C16orf89: variants seen among roughly 807,000 people sequenced by gnomAD.
C16orf89 encodes the protein chromosome 16 open reading frame 89.
A neutral mutation model predicts 41.5 loss-of-function variants in C16orf89; 57 were observed. The observed-to-expected ratio is 1.38, with a 90% confidence interval of 1.11 to 1.71. C16orf89 has a LOEUF of 1.71. Ranked by LOEUF, C16orf89 falls within the 40% of genes most tolerant of loss-of-function variation. The pLI is 0.00. For synonymous variants in C16orf89, 223 were observed against 190.6 expected (o/e 1.17, Z -1.40); for missense variants, 575 against 445.9 (o/e 1.29, Z -2.61).
intron 4 of C16orf89, among the ~76,000 whole-genome samples, chr16:5,057,467 A>G (rs921336650): frequency 4.7e-5 from 7 of 148,380 alleles, no homozygotes; most frequent in Middle Eastern, 3.6e-3. Context: ...AAATATATAT[A>G]CTGGTGTGTG....
intron 7 of C16orf89, among the ~76,000 whole-genome samples, chr16:5,045,705 A>T (rs1463209061): frequency 1.3e-5 from 2 of 152,208 alleles, no homozygotes; most frequent in African/African-American, 2.4e-5. Context: ...CAGATGAGGA[A>T]AATGAGGCTC....
At position 5,044,957 on chromosome 16, in the gene C16orf89, C is replaced by A. The variant is rs1400852501; in HGVS notation, c.956-479G>T. 5.0e-6 allele frequency: 6 copies of A among 1,194,294 alleles called. No individual in the cohort carries two copies. In the East Asian group the frequency reaches 3.8e-4, roughly 76 times the overall value. 74.0% of individuals were successfully genotyped at this position (1,194,294 alleles called of 1,614,324 possible). On this transcript the variant is annotated intron_variant, in intron 7 of 7. Transcript: ENST00000472572. ...GCTGGGCCGGGTGCTCTTCCGCCAGCTGCTAAGGGCTCCCTTCTCTGGGAG... is the reference window on the plus strand; with the variant it reads ...GCTGGGCCGGGTGCTCTTCCGCCAGATGCTAAGGGCTCCCTTCTCTGGGAG...
chr16:5,055,873 T>C, intron 5 of C16orf89, 180 bp downstream of exon 5: 1 of 1,261,642 alleles, frequency 7.9e-7, no homozygotes, highest in South Asian at 1.4e-5. Flanking sequence ...AATGGATTCA[T>C]TGCTTATCTG....
chr16:5,044,552 G>A (rs1240550362), intron 7 of C16orf89, 74 bp from the exon 8 acceptor site: 1 of 1,591,564 alleles, frequency 6.3e-7, no homozygotes, highest in South Asian at 1.1e-5. Context: ...CTCATTGAAA[G>A]TGCTTTTCAG....
Position 5,048,292 on chromosome 16 carries a change from C to T in C16orf89, c.869-328G>A, listed in dbSNP as rs190704611. On this transcript the variant is annotated intron_variant, in intron 6 of 7. Transcript: ENST00000472572. ...TCAAGTGACCCTCCAGCCTTGGCCT[C>T]CCAAAGTACTGGATTATATGTGTGA... 2.0e-5 allele frequency among the ~76,000 whole-genome samples: 3 copies of T among 152,292 alleles called. No homozygotes were observed. The East Asian group carries it at 5.8e-4, about 29-fold the overall frequency.
chr16:5,058,618 A>G lies in C16orf89; in HGVS notation c.510-8T>C. The G allele has an allele frequency of 6.2e-7, 1 of 1,601,376 alleles. No homozygotes were observed. On this transcript the variant is annotated splice_region_variant and splice_polypyrimidine_tract_variant and intron_variant, in intron 3 of 7. Coordinates refer to ENST00000472572, the MANE Select transcript of C16orf89 (RefSeq NM_001098514.3). Reference sequence around the variant, plus strand: ...GGCTCGCTGCTGTCCGTCCTGGGGGAAAGTGGTTCCAAGCTGTTAAGGATG... The same window carrying G: ...GGCTCGCTGCTGTCCGTCCTGGGGGGAAGTGGTTCCAAGCTGTTAAGGATG...
chr16:5,044,727 C>T, intron 7 of C16orf89: 3 of 1,007,122 alleles, frequency 3.0e-6, no homozygotes, highest in Non-Finnish European at 4.1e-6. Flanking sequence ...TCCTGTAGTC[C>T]CAGCTACTCG....
Position 5,065,813 on chromosome 16 carries a change from T to C in C16orf89, c.96A>G (p.Lys32=). Residue 32 remains lysine (K), a synonymous_variant, in exon 1 of 8, where the codon AAA becomes AAG. Transcript: ENST00000472572. ...ACAGGATCAGGTCTGCAATGGTGGCTTTACTTTCAGCAGTGTCCAGCCCAG... is the reference window on the plus strand; with the variant it reads ...ACAGGATCAGGTCTGCAATGGTGGCCTTACTTTCAGCAGTGTCCAGCCCAG... ...SLPGLDTAES[K]ATIADLILSA... is the part of the protein sequence containing the mutation. 2 of 1,614,202 alleles carry C rather than the reference T, an allele frequency of 1.2e-6. No individual in the cohort carries two copies. The highest frequency in any genetic ancestry group is 2.2e-5 in the South Asian group (2 of 91,082).
At chr16:5,062,916 A>G (rs575189493) in intron 1 of C16orf89, among the ~76,000 whole-genome samples, 94 of 152,356 alleles carry the variant, frequency 6.2e-4, no homozygotes, top group African/African-American at 2.1e-3. Context: ...GTTGCAGGGT[A>G]GAGAACCACT....
intron 4 of C16orf89, among the ~76,000 whole-genome samples, chr16:5,058,087 G>A (rs190367791): frequency 2.2e-3 from 337 of 152,084 alleles, no homozygotes; most frequent in African/African-American, 7.7e-3. Context: ...CTGGTGTGTA[G>A]CAGACAGAAC....
chr16:5,062,144 G>A (rs1230189345), intron 2 of C16orf89, among the ~76,000 whole-genome samples: 2 of 152,180 alleles, frequency 1.3e-5, no homozygotes, highest in African/African-American at 4.8e-5. Flanking sequence ...CTCTAGTCTA[G>A]GACCAGGACC....
chr16:5,048,869 A>G (rs967908091), intron 6 of C16orf89, among the ~76,000 whole-genome samples: 17 of 152,204 alleles, frequency 1.1e-4, no homozygotes, highest in African/African-American at 4.1e-4. Flanking sequence ...TCACAAGCCA[A>G]TAATAACCTT....
At chr16:5,044,926 C>A in intron 7 of C16orf89, 1 of 1,224,130 alleles carries the variant, frequency 8.2e-7, no homozygotes, top group Non-Finnish European at 1.0e-6. Context: ...CCCTTAGGCC[C>A]CTTTTGCTGG....
At chr16:5,062,310 G>A in intron 2 of C16orf89, 115 bp downstream of exon 2, 1 of 1,288,288 alleles carries the variant, frequency 7.8e-7, no homozygotes, top group Non-Finnish European at 1.0e-6. Context: ...GGTCCAAGTT[G>A]GTTACGGACT....
chr16:5,065,208 G>A (rs1421364692), intron 1 of C16orf89, among the ~76,000 whole-genome samples: 1 of 152,204 alleles, frequency 6.6e-6, no homozygotes, highest in African/African-American at 2.4e-5. Context: ...CCTTCTTGGG[G>A]ATCTTATAGC....
chr16:5,049,036 A>G (rs947966721), intron 6 of C16orf89, among the ~76,000 whole-genome samples: 4 of 152,246 alleles, frequency 2.6e-5, no homozygotes, highest in Non-Finnish European at 5.9e-5. Context: ...GATCTTCCAC[A>G]TAAATGGAAA....
chr16:5,053,160 A>G (rs542805267), intron 6 of C16orf89, among the ~76,000 whole-genome samples: 49 of 152,290 alleles, frequency 3.2e-4, no homozygotes, highest in African/African-American at 1.2e-3. Context: ...ACTTGAGGTC[A>G]GGAGTTCGTG....
chr16:5,056,320 G>A (rs1956503383), intron 4 of C16orf89, 132 bp from the exon 5 acceptor site: 2 of 781,926 alleles, frequency 2.6e-6, no homozygotes, highest in Non-Finnish European at 3.7e-6. Context: ...TTTAGGGCAG[G>A]TCTTTTTCTC....
chr16:5,060,803 CAGCCT>C (rs1401289395), intron 2 of C16orf89, among the ~76,000 whole-genome samples: 1 of 151,966 alleles, frequency 6.6e-6, no homozygotes, highest in Non-Finnish European at 1.5e-5. Context: ...CGTTCAAGAC[CAGCCT>C]AGGCAACATA....
Sources: gnomAD v4.1 joint callset for allele counts (sites outside exome capture counted in the v4.1 genomes callset) on GRCh38, gnomAD v4.1.1 for gene constraint, MANE v1.5 for transcripts, NCBI Gene and HGNC (gene_info 2026-07-23, HGNC 2026-07-21) for gene names.